The following DGKB variants were observed in gnomAD, a reference collection of about 807,000 sequenced individuals.
DGKB encodes the protein 90 kDa diacylglycerol kinase.
Under a neutral mutation model 114.3 loss-of-function variants are expected in DGKB, and 67 were observed. The observed-to-expected ratio is 0.59, with a 90% CI of 0.48 to 0.72. The LOEUF (loss-of-function observed/expected upper bound fraction) is 0.72. Ranked by LOEUF, DGKB falls within the 30% of genes least tolerant of loss-of-function variation. DGKB has a pLI of 0.00. For synonymous variants in DGKB, 398 were observed against 323.1 expected (o/e 1.23, Z -2.49); for missense variants, 907 against 975.2 (o/e 0.93, Z 0.93).
intron 25 of DGKB, 119 bp from the exon 26 acceptor site, chr7:14,149,357 G>C: frequency 1.5e-6 from 1 of 654,124 alleles, no homozygotes; most frequent in East Asian, 2.9e-5. Context: ...CTGAAACACC[G>C]CAAGTGTAAA....
chr7:14,781,106 TG>T (rs1839019757), intron 2 of DGKB, among the ~76,000 whole-genome samples: 1 of 152,218 alleles, frequency 6.6e-6, no homozygotes, highest in African/African-American at 2.4e-5. Flanking sequence ...TTCACAGTTT[TG>T]TAAGTCTATT....
In DGKB at chr7:14,338,588, T is replaced by C; in HGVS notation, c.2049A>G (p.Arg683=). 6.2e-7 allele frequency: 1 copy of C among 1,610,624 alleles called. No homozygotes were observed. Among genetic ancestry groups the C allele is most frequent in the Non-Finnish European group, 8.5e-7 (1 of 1,178,072 alleles). Residue 683 remains arginine (R), a synonymous_variant, in exon 23 of 26, where the codon CGA becomes CGG. Transcript: ENST00000402815. The part of the protein sequence containing the change: ...WGESKKRRSH[R]RIEKKGSDKR... ...TGTCAGACCCTTTTTTCTCTATTCG[T>C]CGATGGCTTCGTCTTTTCTTAGACT...
upstream of DGKB, among the ~76,000 whole-genome samples, chr7:14,906,445 GTCTT>G (rs1783708472): frequency 8.7e-6 from 1 of 114,824 alleles, no homozygotes; most frequent in Non-Finnish European, 1.7e-5. Flanking sequence ...TCTTTTTTCT[GTCTT>G]TTTTTTTTTT....
chr7:14,953,295 T>C (rs1348648130), intron 1 of DGKB, among the ~76,000 whole-genome samples: 1 of 152,114 alleles, frequency 6.6e-6, no homozygotes, highest in African/African-American at 2.4e-5. Flanking sequence ...AAAGTATTTG[T>C]AAATTATTTA....
At chr7:14,882,437 CTTTCTT>C (rs1222936445) in intron 1 of DGKB, among the ~76,000 whole-genome samples, 2 of 152,080 alleles carry the variant, frequency 1.3e-5, no homozygotes, top group African/African-American at 4.8e-5. Flanking sequence ...TGAACTTCTA[CTTTCTT>C]TTTCTTATTT....
At chr7:14,788,549 C>T (rs1840212471) in intron 2 of DGKB, among the ~76,000 whole-genome samples, 1 of 152,142 alleles carries the variant, frequency 6.6e-6, no homozygotes, top group South Asian at 2.1e-4. Flanking sequence ...CTCTGTGCCA[C>T]TATCCACTTA....
At chr7:14,946,324 C>T (rs1000883187) in intron 1 of DGKB, among the ~76,000 whole-genome samples, 2 of 151,586 alleles carry the variant, frequency 1.3e-5, no homozygotes, top group African/African-American at 2.4e-5. Flanking sequence ...TAGACCAAGG[C>T]TTGAAGAGAA....
At chr7:14,760,695 A>G (rs1181308156) in intron 2 of DGKB, among the ~76,000 whole-genome samples, 1 of 152,128 alleles carries the variant, frequency 6.6e-6, no homozygotes, top group African/African-American at 2.4e-5. Context: ...GGCCAATGAT[A>G]AAATGGAAGG....
chr7:14,428,286 T>A (rs1347107586), intron 21 of DGKB, among the ~76,000 whole-genome samples: 2 of 152,152 alleles, frequency 1.3e-5, no homozygotes, highest in Middle Eastern at 3.2e-3. Flanking sequence ...CATCAGTGAC[T>A]TTTTACTGCT....
chr7:14,793,462 C>T (rs1335402882), intron 2 of DGKB, among the ~76,000 whole-genome samples: 2 of 152,112 alleles, frequency 1.3e-5, no homozygotes, highest in Non-Finnish European at 1.5e-5. Context: ...TGCCTTCTGT[C>T]TGCTTTGTAT....
chr7:14,164,198 G>T (rs911514989), intron 25 of DGKB, among the ~76,000 whole-genome samples: 3 of 151,966 alleles, frequency 2.0e-5, no homozygotes, highest in Non-Finnish European at 4.4e-5. Context: ...TTACATATGG[G>T]TTAGTCTTTT....
chr7:14,846,570 A>C (rs1435657478), intron 1 of DGKB, among the ~76,000 whole-genome samples: 1 of 152,202 alleles, frequency 6.6e-6, no homozygotes, highest in Non-Finnish European at 1.5e-5. Context: ...AAAGAATGTG[A>C]CAATATTCAG....
chr7:14,279,623 G>A (rs1413404942), intron 23 of DGKB, among the ~76,000 whole-genome samples: 1 of 152,002 alleles, frequency 6.6e-6, no homozygotes, highest in African/African-American at 2.4e-5. Context: ...TGAGAGATCC[G>A]CTGTTAGTCT....
intron 1 of DGKB, among the ~76,000 whole-genome samples, chr7:14,958,367 T>C (rs1407563576): frequency 1.3e-5 from 2 of 150,450 alleles, no homozygotes; most frequent in East Asian, 4.0e-4. Flanking sequence ...AGACAGTGAA[T>C]GTGTTACACA....
intron 23 of DGKB, among the ~76,000 whole-genome samples, chr7:14,254,324 G>A (rs1584750140): frequency 1.3e-5 from 2 of 152,102 alleles, no homozygotes; most frequent in African/African-American, 4.8e-5. Context: ...TGAGGGTGCA[G>A]GAAGATATAC....
At chr7:14,358,525 C>T (rs549880584) in intron 21 of DGKB, among the ~76,000 whole-genome samples, 22 of 152,196 alleles carry the variant, frequency 1.4e-4, no homozygotes, top group South Asian at 1.0e-3. Flanking sequence ...TCCCTGTTTG[C>T]GGATGACATG....
intron 2 of DGKB, among the ~76,000 whole-genome samples, chr7:14,773,259 G>T (rs1837679537): frequency 6.6e-6 from 1 of 152,014 alleles, no homozygotes; most frequent in South Asian, 2.1e-4. Flanking sequence ...TTATATACAT[G>T]TTTCAGTATT....
intron 2 of DGKB, among the ~76,000 whole-genome samples, chr7:14,785,532 A>G (rs1839759602): frequency 6.6e-6 from 1 of 152,084 alleles, no homozygotes; most frequent in Non-Finnish European, 1.5e-5. Flanking sequence ...AATTATATCC[A>G]TTCACTGCTG....
chr7:14,910,242 AAAAG>A (rs61063816), intron 1 of DGKB, among the ~76,000 whole-genome samples: 13,019 of 109,454 alleles, frequency 0.12, 890 homozygotes, highest in East Asian at 0.17. Context: ...CTCCATCAAA[AAAAG>A]AAAGAAAGAA....
Sources: gnomAD v4.1 joint callset for allele counts (sites outside exome capture counted in the v4.1 genomes callset) on GRCh38, gnomAD v4.1.1 for gene constraint, MANE v1.5 for transcripts, NCBI Gene and HGNC (gene_info 2026-07-23, HGNC 2026-07-21) for gene names.